GABRG3: variants seen among roughly 807,000 people sequenced by gnomAD.
GABRG3 encodes the protein gamma-aminobutyric acid receptor subunit gamma-3.
GABRG3 carries 25 observed loss-of-function variants against 48.8 expected under a neutral mutation model. The ratio of observed to expected loss-of-function variants is 0.51; its 90% CI spans 0.37 to 0.72. The LOEUF is 0.72. Ranked by LOEUF, GABRG3 falls within the 30% of genes least tolerant of loss-of-function variation. The pLI, the probability that GABRG3 is intolerant of heterozygous loss-of-function variation, is 0.00. For missense variants in GABRG3, 394 were observed against 577.9 expected (o/e 0.68, Z 3.26); for synonymous variants, 227 against 217.6 (o/e 1.04, Z -0.38).
intron 3 of GABRG3, among the ~76,000 whole-genome samples, chr15:27,265,035 G>A (rs894831760): frequency 3.3e-5 from 5 of 151,852 alleles, no homozygotes; most frequent in East Asian, 1.9e-4. Context: ...CCAAAACACC[G>A]TTCCTTTACT....
In GABRG3 at chr15:27,452,891, G is replaced by C. The variant is rs926530393; in HGVS notation, c.575-27759G>C. On this transcript the variant is annotated intron_variant, in intron 5 of 9. Coordinates refer to ENST00000615808, the MANE Select transcript of GABRG3 (RefSeq NM_033223.5). ...TTCACAATAACCAAGGTCACCCTAA[G>C]TGTTCATACACATATGAATGGATGA... 5.3e-5 allele frequency among the ~76,000 whole-genome samples: 8 copies of C among 152,280 alleles called. No individual in the cohort carries two copies. In the South Asian group the frequency reaches 1.7e-3, roughly 32 times the overall value.
chr15:27,400,908 G>T (rs187676058), intron 5 of GABRG3, among the ~76,000 whole-genome samples: 2 of 152,106 alleles, frequency 1.3e-5, no homozygotes, highest in African/African-American at 4.8e-5. Context: ...AATCCACGAC[G>T]GGAGACAAAA....
chr15:27,098,352 T>G (rs1897300369), intron 3 of GABRG3, among the ~76,000 whole-genome samples: 1 of 152,144 alleles, frequency 6.6e-6, no homozygotes, highest in Admixed American at 6.5e-5. Flanking sequence ...GAGAATTGCT[T>G]GAACCTGGGA....
At position 27,179,379 on chromosome 15, in the gene GABRG3, C is replaced by T. The variant is rs190686349; in HGVS notation, c.271-147430C>T. Among the ~76,000 whole-genome samples the T allele has an allele frequency of 3.6e-4, 55 of 152,282 alleles. No individual in the cohort carries two copies. The East Asian group carries it at 4.1e-3, about 11-fold the overall frequency. On this transcript the variant is annotated intron_variant, in intron 3 of 9. Coordinates refer to ENST00000615808, the MANE Select transcript of GABRG3 (RefSeq NM_033223.5). This position sits in a 1 kb window ranked among gnomAD's most constrained non-coding sequence, Gnocchi z 4.0. ...CATTAGCCACATTCAAAATAAGGTA[C>T]GTTGTGCTTTTTCCATTTTTGTTGA...
At chr15:27,109,425 A>G (rs954759623) in intron 3 of GABRG3, among the ~76,000 whole-genome samples, 1 of 152,158 alleles carries the variant, frequency 6.6e-6, no homozygotes, top group African/African-American at 2.4e-5. Flanking sequence ...CTATGTATCT[A>G]CTGTTACAGT....
intron 3 of GABRG3, among the ~76,000 whole-genome samples, chr15:27,113,840 C>T (rs1897596220): frequency 6.6e-6 from 1 of 152,090 alleles, no homozygotes; most frequent in African/African-American, 2.4e-5. Flanking sequence ...GCCTGGATGC[C>T]CTAAGGTGTA....
At chr15:27,214,989 T>C (rs1889199637) in intron 3 of GABRG3, among the ~76,000 whole-genome samples, 1 of 152,198 alleles carries the variant, frequency 6.6e-6, no homozygotes, top group Non-Finnish European at 1.5e-5. Flanking sequence ...TCGTCGTTGG[T>C]ATTGTGTAAA....
At chr15:27,440,996 T>G (rs557228478) in intron 5 of GABRG3, among the ~76,000 whole-genome samples, 46 of 152,240 alleles carry the variant, frequency 3.0e-4, no homozygotes, top group African/African-American at 1.1e-3. Flanking sequence ...CAGCGAGGGA[T>G]CTCCACAGTC....
At chr15:27,429,699 G>A (rs745792176) in intron 5 of GABRG3, among the ~76,000 whole-genome samples, 4 of 152,126 alleles carry the variant, frequency 2.6e-5, no homozygotes, top group Non-Finnish European at 5.9e-5. Context: ...CTTTCACTTA[G>A]AATAATGTTT....
In GABRG3 at chr15:27,027,010, GTAGCATTTCCA is replaced by G. The variant is rs1427102310; in HGVS notation, c.270+190_270+200del. On this transcript the variant is annotated intron_variant, in intron 3 of 9. Transcript: ENST00000615808. ...TGAAGAAAGATAGCTTGTGATGGTA[GTAGCATTTCCA>G]CTTTTAGTTTCTTCTTTCAACATCC... 8.5e-6 allele frequency: 4 copies of G among 468,012 alleles called. No homozygotes were observed. In the East Asian group the frequency reaches 1.3e-4, roughly 16 times the overall value. 29.0% of individuals were successfully genotyped at this position (468,012 alleles called of 1,614,324 possible).
At position 27,457,359 on chromosome 15, in the gene GABRG3, G is replaced by A. The variant is rs566476009; in HGVS notation, c.575-23291G>A. ...TAGCATTTGACGTTTTGTTTTTTGC[G>A]TTTGTAGAAACATCACCTTCAGACC... On this transcript the variant is annotated intron_variant, in intron 5 of 9. Coordinates refer to ENST00000615808, the MANE Select transcript of GABRG3 (RefSeq NM_033223.5). This position sits in a 1 kb window ranked among gnomAD's most constrained non-coding sequence, Gnocchi z 4.4. Among the ~76,000 whole-genome samples, 8 of 152,280 alleles carry A rather than the reference G, an allele frequency of 5.3e-5. No individual in the cohort carries two copies. In the East Asian group the frequency reaches 5.8e-4, roughly 11 times the overall value.
At chr15:27,154,449 C>T (rs1306123482) in intron 3 of GABRG3, among the ~76,000 whole-genome samples, 1 of 152,144 alleles carries the variant, frequency 6.6e-6, no homozygotes, top group Non-Finnish European at 1.5e-5. Context: ...AGTAACTCAC[C>T]ATTACCTGCA....
rs1352803147 is a variant in GABRG3 at position 27,307,002 on chromosome 15, ACATGT to A, written c.271-19806_271-19802del. Among the ~76,000 whole-genome samples the A allele has an allele frequency of 4.3e-5, 5 of 115,298 alleles. 1 individual carries two copies. Among genetic ancestry groups the A allele is most frequent in the African/African-American group, 2.1e-4 (5 of 23,654 alleles). The allele number at this position is 115,298 out of a possible 152,430, so 75.6% of individuals were successfully genotyped here. On this transcript the variant is annotated intron_variant, in intron 3 of 9. Coordinates refer to ENST00000615808, the MANE Select transcript of GABRG3 (RefSeq NM_033223.5). Reference sequence around the variant, plus strand: ...ATAATATAAACATGTTTATATATAAACATGTATAAACATGTTTATATATAAACATG... The same window carrying A: ...ATAATATAAACATGTTTATATATAAAATAAACATGTTTATATATAAACATG...
At chr15:27,003,406 T>G (rs531195793) in intron 2 of GABRG3, among the ~76,000 whole-genome samples, 1 of 151,326 alleles carries the variant, frequency 6.6e-6, no homozygotes, top group African/African-American at 2.4e-5. Context: ...TACTTGAGAT[T>G]AGGGAGTGGT....
rs576202990 is a variant in GABRG3, at chr15:27,054,188, G to A, written c.270+27367G>A. 2.6e-5 allele frequency among the ~76,000 whole-genome samples: 4 copies of A among 151,644 alleles called. No individual in the cohort carries two copies. The East Asian group carries it at 5.9e-4, about 22-fold the overall frequency. ...CGGGAGGCGGAGGTTGCAGTGAGCCGAGATCGCACCACTATACTCCAGCCT... is the reference window on the plus strand; with the variant it reads ...CGGGAGGCGGAGGTTGCAGTGAGCCAAGATCGCACCACTATACTCCAGCCT... On this transcript the variant is annotated intron_variant, in intron 3 of 9. Transcript: ENST00000615808.
chr15:27,087,444 C>G (rs780961820), intron 3 of GABRG3, among the ~76,000 whole-genome samples: 1 of 152,216 alleles, frequency 6.6e-6, no homozygotes, highest in South Asian at 2.1e-4. Context: ...GTTCACAGAA[C>G]AGTATCTGTG....
rs1427510250 is a variant in GABRG3 at position 27,353,428 on chromosome 15, ATTTAT to A, written c.574+24543_574+24547del. ...TGTGTGCATAGTTTTCTTTCTTTCT[ATTTAT>A]TTATTTATTTATTTATTTATTTATT... On this transcript the variant is annotated intron_variant, in intron 5 of 9. Transcript: ENST00000615808. Among the ~76,000 whole-genome samples the A allele has an allele frequency of 7.3e-3, 1,077 of 146,860 alleles. 14 individuals are homozygous for A. Among genetic ancestry groups the A allele is most frequent in the African/African-American group, 0.027 (1,026 of 38,122 alleles).
intron 3 of GABRG3, among the ~76,000 whole-genome samples, chr15:27,037,643 CTTA>C (rs892805032): frequency 1.3e-5 from 2 of 152,140 alleles, no homozygotes; most frequent in Non-Finnish European, 2.9e-5. Context: ...AAGGAAGGTG[CTTA>C]TTAAGGGCCA....
At chr15:27,467,249 C>A (rs1441378852) in intron 5 of GABRG3, among the ~76,000 whole-genome samples, 2 of 152,134 alleles carry the variant, frequency 1.3e-5, no homozygotes, top group East Asian at 3.9e-4. Context: ...GGCACTAATC[C>A]CATCCGGTCA....
Sources: allele counts gnomAD v4.1 joint callset (sites outside exome capture counted in the v4.1 genomes callset), GRCh38; gene constraint gnomAD v4.1.1; non-coding constraint Gnocchi (gnomAD v3.1); transcripts MANE v1.5; gene names NCBI Gene and HGNC (gene_info 2026-07-23, HGNC 2026-07-21).